PKHD1: variants seen among roughly 807,000 people sequenced by gnomAD.
The protein encoded by PKHD1 is PKHD1 ciliary IPT domain containing fibrocystin/polyductin.
A neutral mutation model predicts 412.0 loss-of-function variants in PKHD1; 291 were observed. The observed-to-expected ratio is 0.71, with a 90% CI of 0.64 to 0.78. PKHD1 has a LOEUF of 0.78. Among genes scored for constraint, PKHD1 ranks in the 30% least tolerant of loss-of-function variants. PKHD1 has a pLI of 0.00. For synonymous variants in PKHD1, 1,777 were observed against 1,821.5 expected (o/e 0.98, Z 0.62); for missense variants, 4,825 against 4,950.7 (o/e 0.97, Z 0.76).
chr6:51,920,463 CCAGGTATGAAGCCCA>C (rs1784518618), intron 37 of PKHD1, among the ~76,000 whole-genome samples: 1 of 151,970 alleles, frequency 6.6e-6, no homozygotes, highest in Admixed American at 6.6e-5. Flanking sequence ...GCCTTGCATC[CCAGGTATGAAGCCCA>C]CTTGATCTTG....
chr6:52,031,470 C>T (rs888778765), intron 29 of PKHD1, among the ~76,000 whole-genome samples: 1 of 152,238 alleles, frequency 6.6e-6, no homozygotes, highest in Non-Finnish European at 1.5e-5. Flanking sequence ...CTCTCTGAAC[C>T]TTTTCTGGTT....
chr6:52,081,951 T>C (rs529163132), intron 4 of PKHD1, among the ~76,000 whole-genome samples: 3 of 152,286 alleles, frequency 2.0e-5, no homozygotes, highest in South Asian at 2.1e-4. Context: ...TGGAGTCTTA[T>C]AAAAATATTT....
rs753895471 is a variant in PKHD1, at chr6:52,046,069, A to T, written c.2527T>A (p.Cys843Ser). 2.5e-6 allele frequency: 4 copies of T among 1,613,864 alleles called. No individual in the cohort carries two copies. Among genetic ancestry groups the T allele is most frequent in the Non-Finnish European group, 2.5e-6 (3 of 1,179,778 alleles). Reference sequence around the variant, plus strand: ...GACAAGGTCCACACGTGTTCGTAGCAAGTGTATAGATCCTCCTTCACAGTG... The same window carrying T: ...GACAAGGTCCACACGTGTTCGTAGCTAGTGTATAGATCCTCCTTCACAGTG... ...DFTVKEDLYT[C>S]YEHVWTLSWS... The change falls in exon 24 of 67, where the codon TGC becomes AGC. Residue 843 changes from cysteine (C) to serine (S), a missense_variant. Coordinates refer to ENST00000371117, the MANE Select transcript of PKHD1 (RefSeq NM_138694.4).
chr6:51,982,289 A>G (rs1429724255), intron 35 of PKHD1, among the ~76,000 whole-genome samples: 1 of 62,412 alleles, frequency 1.6e-5, no homozygotes, highest in Non-Finnish European at 4.3e-5. Context: ...CTGCCCGGCC[A>G]CGACCCCGTC....
chr6:51,859,727 C>T (rs1773895909), intron 48 of PKHD1, among the ~76,000 whole-genome samples: 1 of 152,074 alleles, frequency 6.6e-6, no homozygotes, highest in Non-Finnish European at 1.5e-5. Context: ...GACTCAGTTT[C>T]TGTAGATTAC....
chr6:51,659,992 CA>C (rs770381913), intron 60 of PKHD1, 23 bp from the exon 61 acceptor site: 4 of 1,386,868 alleles, frequency 2.9e-6, no homozygotes, highest in Admixed American at 3.4e-5. Flanking sequence ...AGAAGCAAAA[CA>C]AGTGATATAT....
At chr6:52,021,451 C>T (rs983706453) in intron 33 of PKHD1, among the ~76,000 whole-genome samples, 9 of 152,094 alleles carry the variant, frequency 5.9e-5, no homozygotes, top group Admixed American at 5.9e-4. Context: ...AAAAATGTAG[C>T]AGTATTAGTT....
chr6:51,772,810 A>C (rs1190893772), intron 54 of PKHD1, 21 bp from the exon 55 acceptor site: 1 of 1,335,958 alleles, frequency 7.5e-7, no homozygotes, highest in Non-Finnish European at 1.1e-6. Context: ...AAGGAGTAAC[A>C]GTTGGATAGA....
intron 55 of PKHD1, among the ~76,000 whole-genome samples, chr6:51,760,536 A>G (rs926431873): frequency 1.4e-4 from 22 of 152,242 alleles, no homozygotes; most frequent in South Asian, 2.1e-4. Flanking sequence ...AAGGATAAAT[A>G]GGAAGTTATA....
rs1582003234 is a variant in PKHD1 at position 51,674,498 on chromosome 6, A to G, written c.10157-14529T>C. On this transcript the variant is annotated intron_variant, in intron 60 of 66. Coordinates refer to ENST00000371117, the MANE Select transcript of PKHD1 (RefSeq NM_138694.4). ...TTTCTAATAGCAAGTTTAATTATCCATAGTTCATAGAGAAAAAACTTGAGC... is the reference window on the plus strand; with the variant it reads ...TTTCTAATAGCAAGTTTAATTATCCGTAGTTCATAGAGAAAAAACTTGAGC... Among the ~76,000 whole-genome samples, 3 of 152,080 alleles carry G rather than the reference A, an allele frequency of 2.0e-5. No individual in the cohort carries two copies. In the East Asian group the frequency reaches 5.8e-4, roughly 29 times the overall value.
At chr6:51,775,971 A>G (rs184057151) in intron 53 of PKHD1, 50 bp from the exon 54 acceptor site, 10 of 882,482 alleles carry the variant, frequency 1.1e-5, no homozygotes, top group Admixed American at 8.6e-5. Context: ...AATTAAAAGA[A>G]AGAGAGGGAG....
chr6:52,053,327 A>G, intron 20 of PKHD1, 76 bp from the exon 21 acceptor site: 1 of 1,457,504 alleles, frequency 6.9e-7, no homozygotes, highest in African/African-American at 1.4e-5. Context: ...CCTTGTTCCC[A>G]ACCTGGGGGG....
At chr6:51,801,654 T>TGTGTGTGTGTGTGTGTGTGTGAGAGA (rs751203950) in intron 52 of PKHD1, among the ~76,000 whole-genome samples, 48 of 114,242 alleles carry the variant, frequency 4.2e-4, no homozygotes, top group African/African-American at 1.4e-3. Flanking sequence ...TGTGTGTGTG[T>TGTGTGTGTGTGTGTGTGTGTGAGAGA]GAGAGAGAGA....
chr6:51,804,572 A>G (rs970647066), intron 52 of PKHD1, among the ~76,000 whole-genome samples: 1 of 147,472 alleles, frequency 6.8e-6, no homozygotes, highest in African/African-American at 2.5e-5. Context: ...AATTTTGTGG[A>G]GGAAATAAGA....
At chr6:51,774,717 G>A (rs1483782747) in intron 54 of PKHD1, among the ~76,000 whole-genome samples, 1 of 151,844 alleles carries the variant, frequency 6.6e-6, no homozygotes, top group Non-Finnish European at 1.5e-5. Context: ...TCCAGAGAGG[G>A]AGCCATTGAC....
At chr6:51,690,925 G>T (rs1268918655) in intron 60 of PKHD1, among the ~76,000 whole-genome samples, 1 of 151,968 alleles carries the variant, frequency 6.6e-6, no homozygotes, top group Non-Finnish European at 1.5e-5. Context: ...TCTGACAAAG[G>T]TCTAATATCC....
intron 52 of PKHD1, among the ~76,000 whole-genome samples, chr6:51,796,263 A>G (rs1332854398): frequency 6.6e-6 from 1 of 151,682 alleles, no homozygotes; most frequent in Non-Finnish European, 1.5e-5. Context: ...GAATTTATCC[A>G]TTTCTCCCAA....
chr6:51,749,747 T>C (rs1240369997), intron 57 of PKHD1, among the ~76,000 whole-genome samples: 1 of 152,172 alleles, frequency 6.6e-6, no homozygotes, highest in African/African-American at 2.4e-5. Flanking sequence ...GAAGCCGCAC[T>C]ATTAACCCCA....
At chr6:51,861,478 A>G (rs1023581194) in intron 48 of PKHD1, among the ~76,000 whole-genome samples, 11 of 152,080 alleles carry the variant, frequency 7.2e-5, no homozygotes, top group African/African-American at 2.7e-4. Flanking sequence ...ACAATACCTA[A>G]CCTCAAATTG....
Sources: allele counts gnomAD v4.1 joint callset (sites outside exome capture counted in the v4.1 genomes callset), GRCh38; gene constraint gnomAD v4.1.1; transcripts MANE v1.5; gene names NCBI Gene and HGNC (gene_info 2026-07-23, HGNC 2026-07-21).